Variants in MARCHF1 observed in about 807,000 individuals in gnomAD.
The protein encoded by MARCHF1 is membrane associated ring-CH-type finger 1.
MARCHF1 carries 40 observed loss-of-function variants against 54.2 expected under a neutral mutation model. The observed-to-expected ratio is 0.74, with a 90% CI of 0.57 to 0.96. MARCHF1 has a LOEUF of 0.96. Among genes scored for constraint, MARCHF1 ranks in the 40% least tolerant of loss-of-function variants. MARCHF1 has a pLI of 0.00. For missense variants in MARCHF1, 586 were observed against 656.5 expected, an observed-to-expected ratio of 0.89 and a Z score of 1.17; for synonymous variants, 236 against 236.3, an observed-to-expected ratio of 1.00 and a Z score of 0.01.
In MARCHF1 at chr4:164,189,119, A is replaced by G; in HGVS notation, c.-322-77457T>C. Reference sequence around the variant, plus strand: ...GGTGTCTTCGGAGTCGTGGCCACTAATGGAGATACTCATCTGCGTGCAGAA... The same window carrying G: ...GGTGTCTTCGGAGTCGTGGCCACTAGTGGAGATACTCATCTGCGTGCAGAA... On this transcript the variant is annotated intron_variant, in intron 1 of 9. Coordinates refer to ENST00000514618, the MANE Select transcript of MARCHF1 (RefSeq NM_001394959.1). 6 of 651,782 alleles carry G rather than the reference A, an allele frequency of 9.2e-6. No individual in the cohort carries two copies. In the South Asian group the frequency reaches 1.0e-4, roughly 11 times the overall value. The allele number at this position is 651,782 out of a possible 1,614,324, so 40.4% of individuals were successfully genotyped here.
At chr4:164,062,671 C>G (rs557777463) in intron 2 of MARCHF1, among the ~76,000 whole-genome samples, 4 of 152,126 alleles carry the variant, frequency 2.6e-5, no homozygotes, top group African/African-American at 9.6e-5. Context: ...ACTACAGGCA[C>G]CCGCCACCAT....
At chr4:163,899,669 C>G (rs1750894618) in intron 3 of MARCHF1, among the ~76,000 whole-genome samples, 1 of 151,810 alleles carries the variant, frequency 6.6e-6, no homozygotes, top group Non-Finnish European at 1.5e-5. Context: ...ACCTTCAGAT[C>G]TATATTTACT....
Position 164,263,635 on chromosome 4 carries a change from A to T in MARCHF1, c.-323+120235T>A, listed in dbSNP as rs182376830. 2.1e-3 allele frequency among the ~76,000 whole-genome samples: 314 copies of T among 152,314 alleles called. 6 individuals carry two copies. Among genetic ancestry groups the T allele is most frequent in the Admixed American group, 0.019 (283 of 15,294 alleles). ...TTAATAATAAAAACATTTCGAATGT[A>T]AAGAAATTTACAAAAGAAAAACAAT... On this transcript the variant is annotated intron_variant, in intron 1 of 9. Transcript: ENST00000514618.
chr4:164,362,186 G>C (rs1730740876), intron 1 of MARCHF1, among the ~76,000 whole-genome samples: 1 of 152,104 alleles, frequency 6.6e-6, no homozygotes, highest in Admixed American at 6.6e-5. Flanking sequence ...TTTCTACAAT[G>C]ATTAATATCT....
chr4:164,122,367 TA>T (rs1756086241), intron 1 of MARCHF1, among the ~76,000 whole-genome samples: 1 of 152,112 alleles, frequency 6.6e-6, no homozygotes, highest in African/African-American at 2.4e-5. Flanking sequence ...CAGACATAGA[TA>T]TTGGCATTTG....
chr4:163,962,691 C>T (rs1752365126), intron 3 of MARCHF1, among the ~76,000 whole-genome samples: 2 of 151,456 alleles, frequency 1.3e-5, no homozygotes, highest in African/African-American at 2.4e-5. Flanking sequence ...CTTTAGATAC[C>T]GTAGTAATAT....
At chr4:164,374,529 A>T (rs1371168292) in intron 1 of MARCHF1, among the ~76,000 whole-genome samples, 3 of 152,128 alleles carry the variant, frequency 2.0e-5, no homozygotes, top group African/African-American at 7.2e-5. Context: ...AAAATTGACA[A>T]CTATGGCTTA....
chr4:163,652,577 T>A (rs1298166600), intron 5 of MARCHF1, among the ~76,000 whole-genome samples: 1 of 151,768 alleles, frequency 6.6e-6, no homozygotes, highest in Non-Finnish European at 1.5e-5. Context: ...TATCTAAAAG[T>A]CCCCGTTTCC....
chr4:163,536,715 G>T lies in MARCHF1; in HGVS notation c.1340-7669C>A, dbSNP rs140098148. On this transcript the variant is annotated intron_variant, in intron 9 of 9. Transcript: ENST00000514618. Reference sequence around the variant, plus strand: ...CACTCAAGTTTCACCTCTCTTTCCAGAAACAGTGACCAAAGCCTATAATAT... The same window carrying T: ...CACTCAAGTTTCACCTCTCTTTCCATAAACAGTGACCAAAGCCTATAATAT... Among the ~76,000 whole-genome samples the T allele has an allele frequency of 7.2e-3, 1,103 of 152,184 alleles. 10 individuals carry two copies. The highest frequency in any genetic ancestry group is 0.024 in the African/African-American group (1,012 of 41,508).
intron 1 of MARCHF1, among the ~76,000 whole-genome samples, chr4:164,368,986 G>A (rs77392719): frequency 1.1e-3 from 161 of 152,318 alleles, no homozygotes; most frequent in Non-Finnish European, 1.6e-3. Flanking sequence ...AGAGGGAGAA[G>A]CTGAACTGTG....
intron 1 of MARCHF1, among the ~76,000 whole-genome samples, chr4:164,243,784 C>CA (rs1376469660): frequency 5.3e-5 from 8 of 151,524 alleles, no homozygotes; most frequent in African/African-American, 1.5e-4. Flanking sequence ...CAATGGAAAA[C>CA]AAAAAAAGGC....
intron 3 of MARCHF1, among the ~76,000 whole-genome samples, chr4:163,966,561 A>C (rs1304848377): frequency 6.6e-6 from 1 of 152,166 alleles, no homozygotes; most frequent in Non-Finnish European, 1.5e-5. Flanking sequence ...CATAACAGGC[A>C]GTCAATAAAT....
At chr4:164,125,387 T>C (rs763359825) in intron 1 of MARCHF1, among the ~76,000 whole-genome samples, 1 of 152,112 alleles carries the variant, frequency 6.6e-6, no homozygotes, top group Admixed American at 6.6e-5. Flanking sequence ...CCACTCTGCA[T>C]TGGAAGTTTA....
chr4:164,026,707 A>T (rs141570212), intron 2 of MARCHF1, among the ~76,000 whole-genome samples: 1 of 152,136 alleles, frequency 6.6e-6, no homozygotes, highest in East Asian at 1.9e-4. Context: ...CACAACTCCT[A>T]TTCAACATAG....
intron 2 of MARCHF1, among the ~76,000 whole-genome samples, chr4:164,029,557 G>T (rs1410073333): frequency 7.6e-6 from 1 of 131,282 alleles, no homozygotes; most frequent in African/African-American, 2.6e-5. Context: ...ACTGATGTGA[G>T]ATTAAATTGA....
intron 1 of MARCHF1, among the ~76,000 whole-genome samples, chr4:164,304,654 T>C (rs1382170402): frequency 1.3e-5 from 2 of 152,136 alleles, no homozygotes; most frequent in African/African-American, 4.8e-5. Context: ...TAACAAGAAA[T>C]AAGTTATTTC....
chr4:163,737,055 C>T (rs944254585), intron 4 of MARCHF1, among the ~76,000 whole-genome samples: 2 of 151,912 alleles, frequency 1.3e-5, no homozygotes, highest in African/African-American at 4.8e-5. Flanking sequence ...CATTTGTTTG[C>T]CAGGCCTCAA....
intron 3 of MARCHF1, among the ~76,000 whole-genome samples, chr4:163,979,244 C>T (rs1196269874): frequency 1.0e-5 from 1 of 100,288 alleles, no homozygotes; most frequent in East Asian, 3.6e-4. Context: ...TTGTTCAATT[C>T]CCACCTATGA....
At chr4:164,045,372 C>T (rs1241194171) in intron 2 of MARCHF1, among the ~76,000 whole-genome samples, 1 of 151,778 alleles carries the variant, frequency 6.6e-6, no homozygotes, top group Non-Finnish European at 1.5e-5. Context: ...ATTAGCTGGG[C>T]ATGGTGGTAG....
Sources: allele counts gnomAD v4.1 joint callset (sites outside exome capture counted in the v4.1 genomes callset), GRCh38; gene constraint gnomAD v4.1.1; transcripts MANE v1.5; gene names NCBI Gene and HGNC (gene_info 2026-07-23, HGNC 2026-07-21).